The following SEZ6 variants were observed in gnomAD, a reference collection of about 807,000 sequenced individuals.
SEZ6 encodes seizure related 6 homolog, also known as seizure protein 6 homolog.
In SEZ6, 53 loss-of-function variants were observed where a neutral mutation model predicts 101.0. The observed-to-expected ratio is 0.52, with a 90% CI of 0.42 to 0.66. The LOEUF (loss-of-function observed/expected upper bound fraction) is 0.66, where lower values mean the gene tolerates loss of function less well. Ranked by LOEUF, SEZ6 falls within the 30% of genes least tolerant of loss-of-function variation. The pLI, the probability that SEZ6 is intolerant of heterozygous loss-of-function variation, is 0.00. For missense variants in SEZ6, 1,102 were observed against 1,289.4 expected, an observed-to-expected ratio of 0.85 and a Z score of 2.23; for synonymous variants, 488 against 512.2, an observed-to-expected ratio of 0.95 and a Z score of 0.64.
Position 28,960,647 on chromosome 17 carries a change from G to T in SEZ6, c.1434C>A (p.Asn478Lys). The T allele has an allele frequency of 6.2e-7, 1 of 1,602,138 alleles. No individual in the cohort carries two copies. The highest frequency in any genetic ancestry group is 8.5e-7 in the Non-Finnish European group (1 of 1,174,496). ...AATCATACACTGGTGGGGCCTCCACGTTGTCCCCATTGCGAATGATGAGCC... is the reference window on the plus strand; with the variant it reads ...AATCATACACTGGTGGGGCCTCCACTTTGTCCCCATTGCGAATGATGAGCC... ...DDRLIIRNGD[N>K]VEAPPVYDSY... The change falls in exon 7 of 17, where the codon AAC becomes AAA. Residue 478 changes from asparagine to lysine, a missense_variant. By Grantham distance (94) the Asn-to-Lys change is moderately conservative. Transcript: ENST00000317338.
At chr17:28,987,506 C>T (rs1397135776) in intron 1 of SEZ6, among the ~76,000 whole-genome samples, 1 of 152,218 alleles carries the variant, frequency 6.6e-6, no homozygotes, top group African/African-American at 2.4e-5. Flanking sequence ...GGCAGGTTTG[C>T]TGCTATCCAT....
chr17:28,994,698 C>G (rs544088204), intron 1 of SEZ6, among the ~76,000 whole-genome samples: 1 of 151,914 alleles, frequency 6.6e-6, no homozygotes, highest in Non-Finnish European at 1.5e-5. Context: ...CGTAAGCCAC[C>G]GCGTCCGGCC....
chr17:28,960,343 G>C, intron 7 of SEZ6, 162 bp downstream of exon 7: 2 of 932,084 alleles, frequency 2.1e-6, no homozygotes, highest in Non-Finnish European at 3.3e-6. Flanking sequence ...CGGACCCAAA[G>C]AGAGGGGCAG....
rs781656586 is a variant in SEZ6 at position 28,969,819 on chromosome 17, G to A, written c.992C>T (p.Ala331Val). The A allele has an allele frequency of 9.2e-6, 14 of 1,525,718 alleles. No individual in the cohort carries two copies. Among genetic ancestry groups the A allele is most frequent in the Non-Finnish European group, 1.2e-5 (14 of 1,147,654 alleles). 94.5% of individuals were successfully genotyped at this position (1,525,718 alleles called of 1,614,324 possible). ...QVIRSPTHQA[A>V]LRFQSLPPPA... ...TGGCGGGAGGCTCTGGAACCTCAGG[G>A]CCGCTTGGTGGGTGGGGCTGCGGAT... is the stretch of plus-strand genomic sequence containing the variant. Residue 331 changes from alanine to valine, a missense_variant, in exon 4 of 17, where the codon GCC becomes GTC. Physicochemically the swap from Ala to Val is moderately conservative, Grantham distance 64. Coordinates refer to ENST00000317338, the MANE Select transcript of SEZ6 (RefSeq NM_178860.5).
At chr17:28,993,733 C>T (rs947778610) in intron 1 of SEZ6, among the ~76,000 whole-genome samples, 1 of 152,214 alleles carries the variant, frequency 6.6e-6, no homozygotes, top group Non-Finnish European at 1.5e-5. Context: ...GGTGCCAGGG[C>T]CGGAGAGTAG....
chr17:28,968,125 G>C (rs2041098402), intron 4 of SEZ6, among the ~76,000 whole-genome samples: 1 of 152,162 alleles, frequency 6.6e-6, no homozygotes, highest in Non-Finnish European at 1.5e-5. Context: ...GTGGGTACTA[G>C]GCCCCTCACC....
chr17:28,989,736 G>A (rs2041431279), intron 1 of SEZ6, among the ~76,000 whole-genome samples: 1 of 152,140 alleles, frequency 6.6e-6, no homozygotes, highest in Non-Finnish European at 1.5e-5. Flanking sequence ...TAGTTTAAAT[G>A]ATAATAGCCC....
At chr17:28,993,305 C>G (rs923614895) in intron 1 of SEZ6, among the ~76,000 whole-genome samples, 5 of 152,050 alleles carry the variant, frequency 3.3e-5, no homozygotes, top group African/African-American at 1.2e-4. Context: ...CCCCAGGCCC[C>G]TTCTCCTACC....
At chr17:29,000,332 G>T (rs966594416) in intron 1 of SEZ6, among the ~76,000 whole-genome samples, 1 of 152,216 alleles carries the variant, frequency 6.6e-6, no homozygotes, top group Non-Finnish European at 1.5e-5. Context: ...CAGCCTCAGG[G>T]TAAGTGACTT....
At chr17:28,967,236 C>T (rs902847307) in intron 4 of SEZ6, among the ~76,000 whole-genome samples, 2 of 152,178 alleles carry the variant, frequency 1.3e-5, no homozygotes, top group East Asian at 3.9e-4. Flanking sequence ...TCTAAAATGC[C>T]TTCACACTCT....
Position 28,976,549 on chromosome 17 carries a change from C to T in SEZ6, c.858+3131G>A, listed in dbSNP as rs564417565. On this transcript the variant is annotated intron_variant, in intron 3 of 16. Transcript: ENST00000317338. ...AATTCTCCATGATGGAGGGAAGCCA[C>T]AGGCAGTCCCTTCTCCCCAAGCCTG... 9.2e-5 allele frequency among the ~76,000 whole-genome samples: 14 copies of T among 152,308 alleles called. No individual in the cohort carries two copies. The East Asian group carries it at 2.7e-3, about 29-fold the overall frequency.
chr17:29,002,492 C>T (rs946321681), intron 1 of SEZ6, among the ~76,000 whole-genome samples: 7 of 152,208 alleles, frequency 4.6e-5, no homozygotes, highest in African/African-American at 1.7e-4. Context: ...CTATGAGGAG[C>T]AAAAAGCCAA....
Position 28,979,800 on chromosome 17 carries a change from C to A in SEZ6, c.738G>T (p.Trp246Cys). The part of the protein sequence containing the change: ...TTVQTPGPCS[W>C]NFSGPEGSLD... ...GAGAGCCCTCTGGGCCTGAGAAATTCCAGCTACAAGGGCCTGGGAGGCAGG... is the reference window on the plus strand; with the variant it reads ...GAGAGCCCTCTGGGCCTGAGAAATTACAGCTACAAGGGCCTGGGAGGCAGG... The change falls in exon 3 of 17, where the codon TGG (tryptophan) becomes TGT (cysteine). Residue 246 changes from tryptophan to cysteine, a missense_variant. Physicochemically the swap from Trp to Cys is radical, Grantham distance 215. This residue lies in a region of SEZ6 where 406 missense variants were observed against 418.6 expected (regional missense o/e 0.97). Coordinates refer to ENST00000317338, the MANE Select transcript of SEZ6 (RefSeq NM_178860.5). 1 of 1,610,596 alleles carries A rather than the reference C, an allele frequency of 6.2e-7. No homozygotes were observed. The highest frequency in any genetic ancestry group is 8.5e-7 in the Non-Finnish European group (1 of 1,178,504).
At position 28,960,957 on chromosome 17, in the gene SEZ6, C is replaced by T; in HGVS notation, c.1257G>A (p.Val419=). The T allele has an allele frequency of 6.2e-7, 1 of 1,613,198 alleles. No individual in the cohort carries two copies. The highest frequency in any genetic ancestry group is 8.5e-7 in the Non-Finnish European group (1 of 1,179,686). ...EPVCIAACGG[V]IRNATTGRIV... Reference sequence around the variant, plus strand: ...TGCGGCCGGTGGTGGCATTGCGGATCACTCCGCCGCAAGCAGCTGTTAAGA... The same window carrying T: ...TGCGGCCGGTGGTGGCATTGCGGATTACTCCGCCGCAAGCAGCTGTTAAGA... The change falls in exon 6 of 17, where the codon GTG becomes GTA. Residue 419 remains valine (V), a synonymous_variant. Transcript: ENST00000317338.
chr17:29,002,187 C>T (rs1380243328), intron 1 of SEZ6, among the ~76,000 whole-genome samples: 2 of 151,834 alleles, frequency 1.3e-5, no homozygotes, highest in African/African-American at 2.4e-5. Context: ...GAGCTGATCC[C>T]AGCCCAGCAG....
intron 1 of SEZ6, among the ~76,000 whole-genome samples, chr17:29,001,261 C>T (rs1354683041): frequency 1.3e-5 from 2 of 152,198 alleles, no homozygotes; most frequent in Non-Finnish European, 2.9e-5. Context: ...TAAACTTCTC[C>T]CAAACAGGAA....
chr17:28,994,796 G>A (rs1313677662), intron 1 of SEZ6, among the ~76,000 whole-genome samples: 1 of 152,134 alleles, frequency 6.6e-6, no homozygotes, highest in Non-Finnish European at 1.5e-5. Flanking sequence ...GGGGGCTGAT[G>A]GAGCCTCCGG....
chr17:28,960,583 T>C lies in SEZ6; in HGVS notation c.1498A>G (p.Ser500Gly). Reference sequence around the variant, plus strand: ...TCAACAAAGAAGTGTTTGCCAGAGCTGAGCAGGCCCTCAATGGGCAGGTAT... The same window carrying C: ...TCAACAAAGAAGTGTTTGCCAGAGCCGAGCAGGCCCTCAATGGGCAGGTAT... ...VEYLPIEGLL[S>G]SGKHFFVELS... Residue 500 changes from serine (S) to glycine (G), a missense_variant, in exon 7 of 17, where the codon AGC becomes GGC. Ser to Gly is a moderately conservative substitution (Grantham distance 56). Transcript: ENST00000317338. 2 of 1,593,016 alleles carry C rather than the reference T, an allele frequency of 1.3e-6. No individual in the cohort carries two copies. Among genetic ancestry groups the C allele is most frequent in the Non-Finnish European group, 1.7e-6 (2 of 1,170,086 alleles).
At chr17:28,958,455 A>G (rs772996040) in intron 10 of SEZ6, among the ~76,000 whole-genome samples, 1 of 152,192 alleles carries the variant, frequency 6.6e-6, no homozygotes, top group Admixed American at 6.5e-5. Context: ...TGTCAGAAAG[A>G]TAGAAGCCAG....
Sources: gnomAD v4.1 joint callset for allele counts (sites outside exome capture counted in the v4.1 genomes callset) on GRCh38, gnomAD v4.1.1 for gene constraint, gnomAD v4.1.1 regional missense constraint, MANE v1.5 for transcripts, NCBI Gene and HGNC (gene_info 2026-07-23, HGNC 2026-07-21) for gene names.